TRIM49: variants seen among roughly 807,000 people sequenced by gnomAD.
The protein encoded by TRIM49 is tripartite motif-containing protein 49.
TRIM49 carries 5 observed loss-of-function variants against 27.4 expected under a neutral mutation model. That is an observed-to-expected ratio of 0.18 (90% confidence interval 0.10 to 0.38). The LOEUF is 0.38. TRIM49 is among the 10% of genes least tolerant of loss of function. The pLI is 1.00. For missense variants in TRIM49, 188 were observed against 487.5 expected (o/e 0.39, Z 5.79); for synonymous variants, 69 against 166.0 (o/e 0.42, Z 4.49).
chr11:89,805,935 C>T (rs1949786533), intron 2 of TRIM49, among the ~76,000 whole-genome samples: 1 of 150,642 alleles, frequency 6.6e-6, no homozygotes, highest in African/African-American at 2.5e-5. Context: ...GGCCAGGCTG[C>T]ACTTGAACTT....
chr11:89,808,183 G>A (rs375407810), intron 1 of TRIM49, among the ~76,000 whole-genome samples: 16 of 144,944 alleles, frequency 1.1e-4, no homozygotes, highest in South Asian at 2.2e-4. Flanking sequence ...TTCTTTCTAT[G>A]CCAAGTCTTT....
At chr11:89,792,751 G>A (rs7947341), downstream of TRIM49, among the ~76,000 whole-genome samples, 19,538 of 144,126 alleles carry the variant, frequency 0.14, 106 homozygotes, top group African/African-American at 0.29. Context: ...AGCAGTGTGT[G>A]GAGGGAAATT....
chr11:89,793,424 C>A (rs1345558117), downstream of TRIM49, among the ~76,000 whole-genome samples: 1 of 152,062 alleles, frequency 6.6e-6, no homozygotes, highest in African/African-American at 2.4e-5. Context: ...GGCAGAGACA[C>A]AACAAAAAAA....
At chr11:89,783,516 T>A in the TRIM49 span, among the ~76,000 whole-genome samples, 35 of 120,370 alleles carry the variant, frequency 2.9e-4, 2 homozygotes, top group East Asian at 6.0e-3. Flanking sequence ...TGATTTCAAT[T>A]GTCTTAGGTT....
chr11:89,774,290 T>A, the TRIM49 span, among the ~76,000 whole-genome samples: 10 of 151,206 alleles, frequency 6.6e-5, no homozygotes, highest in African/African-American at 2.5e-4. Flanking sequence ...ATGAGCCACC[T>A]TCCTTGCCCA....
At chr11:89,806,025 G>T (rs1329539177) in intron 2 of TRIM49, among the ~76,000 whole-genome samples, 1 of 150,760 alleles carries the variant, frequency 6.6e-6, no homozygotes, top group Admixed American at 6.6e-5. Context: ...CAGCCCGGCG[G>T]TTTCATTGTT....
At position 89,804,286 on chromosome 11, in the gene TRIM49, T is replaced by C. The variant is rs760032090; in HGVS notation, c.184A>G (p.Ile62Val). Residue 62 changes from isoleucine to valine, a missense_variant, in exon 3 of 8, where the codon ATA (isoleucine) becomes GTA (valine). Ile to Val is a conservative substitution (Grantham distance 29). This residue lies in a region of TRIM49 where 37 missense variants were observed against 52.4 expected (regional missense o/e 0.71). Transcript: ENST00000329758. ...AAATGAATGTTGGTTTTGAGGTTTA[T>C]CTGCTCGGTTGACTTTGTGCATTCA... is the stretch of plus-strand genomic sequence containing the variant. ...CSECTKSTEQ[I>V]NLKTNIHLKK... 2 of 1,612,208 alleles carry C rather than the reference T, an allele frequency of 1.2e-6. No individual in the cohort carries two copies. The highest frequency in any genetic ancestry group is 1.3e-5 in the African/African-American group (1 of 74,274).
At chr11:89,796,148 C>T (rs532749761), downstream of TRIM49, among the ~76,000 whole-genome samples, 43 of 151,918 alleles carry the variant, frequency 2.8e-4, no homozygotes, top group African/African-American at 9.9e-4. Flanking sequence ...GCTATCCCAG[C>T]TTTCTCAGTT....
the TRIM49 span, chr11:89,766,775 C>T: frequency 1.5e-6 from 2 of 1,310,762 alleles, no homozygotes; most frequent in Non-Finnish European, 2.1e-6. Context: ...GGGAGGTGGT[C>T]AAGAGACTGA....
intron 4 of TRIM49, among the ~76,000 whole-genome samples, chr11:89,802,315 C>T (rs1949744957): frequency 6.6e-6 from 1 of 150,780 alleles, no homozygotes; most frequent in Non-Finnish European, 1.5e-5. Context: ...GTTGCTTAAA[C>T]TCATTATATG....
the TRIM49 span, among the ~76,000 whole-genome samples, chr11:89,791,823 A>G: frequency 2.4e-3 from 363 of 152,116 alleles, 2 homozygotes; most frequent in Non-Finnish European, 4.3e-3. Flanking sequence ...TGCTAGGAAG[A>G]AACTGCATCA....
In TRIM49 at chr11:89,808,553, A is replaced by G. The variant is rs1354649102; in HGVS notation, c.-307T>C. 3.3e-5 allele frequency: 5 copies of G among 151,542 alleles called. No homozygotes were observed. Among genetic ancestry groups the G allele is most frequent in the Admixed American group, 3.3e-4 (5 of 15,280 alleles). The allele number at this position is 151,542 out of a possible 1,614,324, so 9.4% of individuals were successfully genotyped here. A position where few individuals can be genotyped will look rare whatever the true frequency, so the allele number is the denominator to read the frequency against. The stretch of plus-strand genomic sequence containing the variant: ...GAATCAAAGCTTTGGTTTAAAGTCA[A>G]TAGGGGGCAACTGGAAGATTAGAGT... On this transcript the variant is annotated 5_prime_UTR_variant, in exon 1 of 8. Coordinates refer to ENST00000329758, the MANE Select transcript of TRIM49 (RefSeq NM_020358.2).
chr11:89,785,122 G>A, the TRIM49 span, among the ~76,000 whole-genome samples: 2 of 146,870 alleles, frequency 1.4e-5, no homozygotes, highest in Non-Finnish European at 3.0e-5. Context: ...TGGAGGCTGA[G>A]GCAGGATAAT....
the TRIM49 span, among the ~76,000 whole-genome samples, chr11:89,775,223 CA>C: frequency 2.8e-5 from 3 of 108,224 alleles, 1 homozygote; most frequent in Admixed American, 9.3e-5. Flanking sequence ...ACTAAAAATA[CA>C]AAAAAATCAT....
chr11:89,769,495 C>G, the TRIM49 span, among the ~76,000 whole-genome samples: 1 of 136,190 alleles, frequency 7.3e-6, no homozygotes, highest in South Asian at 2.3e-4. Flanking sequence ...GAAACCCATG[C>G]TACAGATTCT....
chr11:89,766,557 T>C, the TRIM49 span: 5 of 651,312 alleles, frequency 7.7e-6, no homozygotes, highest in Non-Finnish European at 1.0e-5. Context: ...CCCCTGTATA[T>C]GGAGTTCCCG....
At chr11:89,804,575 G>T in intron 2 of TRIM49, 102 bp from the exon 3 acceptor site, 1 of 1,084,708 alleles carries the variant, frequency 9.2e-7, no homozygotes, top group Non-Finnish European at 1.3e-6. Context: ...TCTTGACAGT[G>T]TTCATTAAAG....
downstream of TRIM49, among the ~76,000 whole-genome samples, chr11:89,795,021 AG>A (rs1208189690): frequency 2.0e-5 from 3 of 149,394 alleles, no homozygotes; most frequent in African/African-American, 7.5e-5. Flanking sequence ...GAATCTACAA[AG>A]AACTCGAACA....
intron 2 of TRIM49, among the ~76,000 whole-genome samples, chr11:89,805,606 A>T (rs1157642363): frequency 0.013 from 1,984 of 150,972 alleles, 3 homozygotes; most frequent in African/African-American, 0.045. Context: ...AACTCTCTAG[A>T]CTCCATAATC....
Sources: gnomAD v4.1 joint callset for allele counts (sites outside exome capture counted in the v4.1 genomes callset) on GRCh38, gnomAD v4.1.1 for gene constraint, gnomAD v4.1.1 regional missense constraint, MANE v1.5 for transcripts, NCBI Gene and HGNC (gene_info 2026-07-23, HGNC 2026-07-21) for gene names.